The following PCNT variants were observed in gnomAD, a reference collection of about 807,000 sequenced individuals.
PCNT encodes the protein pericentrin, also known as kendrin.
In PCNT, 319 loss-of-function variants were observed where a neutral mutation model predicts 380.4. The ratio of observed to expected loss-of-function variants is 0.84; its 90% CI spans 0.77 to 0.92. PCNT has a LOEUF of 0.92. Ranked by LOEUF, PCNT falls within the 40% of genes least tolerant of loss-of-function variation. The pLI is 0.00. For synonymous variants in PCNT, 1,845 were observed against 1,735.2 expected (o/e 1.06, Z -1.57); for missense variants, 4,400 against 4,255.3 (o/e 1.03, Z -0.95).
chr21:46,355,446 C>G lies in PCNT; in HGVS notation c.1762-6C>G, dbSNP rs756097563. Reference sequence around the variant, plus strand: ...AACGTGCTTGTCCCACGTGGTTTCTCTGTAGGAGAGCCTGCCACGCTTCCA... The same window carrying G: ...AACGTGCTTGTCCCACGTGGTTTCTGTGTAGGAGAGCCTGCCACGCTTCCA... On this transcript the variant is annotated splice_polypyrimidine_tract_variant and splice_region_variant and intron_variant, in intron 11 of 46. Transcript: ENST00000359568. The G allele has an allele frequency of 5.6e-6, 9 of 1,613,406 alleles. No individual in the cohort carries two copies. The East Asian group carries it at 1.1e-4, about 20-fold the overall frequency.
At chr21:46,377,700 T>A (rs2085373760) in intron 15 of PCNT, among the ~76,000 whole-genome samples, 1 of 151,906 alleles carries the variant, frequency 6.6e-6, no homozygotes, top group African/African-American at 2.4e-5. Flanking sequence ...ATAAAAAAAT[T>A]AGCCTGGCAT....
At chr21:46,429,088 G>A (rs1283904558) in intron 35 of PCNT, among the ~76,000 whole-genome samples, 4 of 152,192 alleles carry the variant, frequency 2.6e-5, no homozygotes, top group African/African-American at 7.2e-5. Flanking sequence ...GGGGTCAGGC[G>A]CCCTTGGTCA....
rs1346356390 is a variant in PCNT, at chr21:46,326,575, G to A, written c.253G>A (p.Ala85Thr). 4.3e-6 allele frequency: 7 copies of A among 1,613,890 alleles called. No homozygotes were observed. Among genetic ancestry groups the A allele is most frequent in the Admixed American group, 1.7e-5 (1 of 60,000 alleles). ...CDDTPDGAGG[A>T]FAAQPEDCDG... is the part of the protein sequence containing the mutation. Reference sequence around the variant, plus strand: ...CGACACCCCTGATGGGGCAGGAGGGGCCTTTGCAGCTCAGGTAGATTTGCT... The same window carrying A: ...CGACACCCCTGATGGGGCAGGAGGGACCTTTGCAGCTCAGGTAGATTTGCT... Residue 85 changes from alanine to threonine, a missense_variant, in exon 2 of 47, where the codon GCC becomes ACC. Coordinates refer to ENST00000359568, the MANE Select transcript of PCNT (RefSeq NM_006031.6).
Position 46,347,488 on chromosome 21 carries a change from G to A in PCNT, c.1008G>A (p.Met336Ile), listed in dbSNP as rs747443008. ...AELKEKLQSEMEKNAQIVKTL... is the reference protein window; with the variant it reads ...AELKEKLQSEIEKNAQIVKTL... ...TGAAGGAGAAGTTACAATCAGAAAT[G>A]GAGAAAAACGCCCAGATAGTAAAGG... Residue 336 changes from methionine to isoleucine, a missense_variant, in exon 6 of 47, where the codon ATG becomes ATA. Coordinates refer to ENST00000359568, the MANE Select transcript of PCNT (RefSeq NM_006031.6). The A allele has an allele frequency of 6.2e-7, 1 of 1,613,990 alleles. No homozygotes were observed. The highest frequency in any genetic ancestry group is 8.5e-7 in the Non-Finnish European group (1 of 1,179,962).
At chr21:46,432,976 T>C (rs546195386) in intron 38 of PCNT, among the ~76,000 whole-genome samples, 2 of 152,214 alleles carry the variant, frequency 1.3e-5, no homozygotes, top group Admixed American at 6.5e-5. Flanking sequence ...TTTCAAAATA[T>C]AAGTTTTATA....
chr21:46,352,372 C>T (rs1022798760), intron 9 of PCNT, among the ~76,000 whole-genome samples: 5 of 152,162 alleles, frequency 3.3e-5, no homozygotes, highest in Non-Finnish European at 7.3e-5. Flanking sequence ...GGGGGTCTGT[C>T]TGTCGCTGGA....
intron 13 of PCNT, among the ~76,000 whole-genome samples, chr21:46,359,086 G>T (rs2084590223): frequency 6.6e-6 from 1 of 152,142 alleles, no homozygotes; most frequent in South Asian, 2.1e-4. Context: ...GGGATTACAG[G>T]TGTGAGCCAC....
At chr21:46,381,627 C>T in intron 15 of PCNT, 67 bp from the exon 16 acceptor site, 1 of 1,475,542 alleles carries the variant, frequency 6.8e-7, no homozygotes, top group South Asian at 1.1e-5. Context: ...GTGCTGAATT[C>T]CGGCTAACAG....
At chr21:46,405,902 A>AT (rs2086607707) in intron 27 of PCNT, among the ~76,000 whole-genome samples, 1 of 152,066 alleles carries the variant, frequency 6.6e-6, no homozygotes. Flanking sequence ...TTCTTGTGGG[A>AT]TTTTTCTTAC....
At chr21:46,383,044 G>T (rs575525411) in intron 16 of PCNT, among the ~76,000 whole-genome samples, 1 of 141,236 alleles carries the variant, frequency 7.1e-6, no homozygotes, top group Non-Finnish European at 1.5e-5. Flanking sequence ...ACAGTGCTGC[G>T]CATTCAGCAG....
At chr21:46,378,105 C>G (rs2085390236) in intron 15 of PCNT, among the ~76,000 whole-genome samples, 1 of 152,136 alleles carries the variant, frequency 6.6e-6, no homozygotes, top group African/African-American at 2.4e-5. Context: ...TCCATTACTG[C>G]CTTTTTTCAC....
chr21:46,431,282 G>A (rs2087752024), intron 37 of PCNT: 1 of 1,373,364 alleles, frequency 7.3e-7, no homozygotes, highest in Non-Finnish European at 9.4e-7. Context: ...GAGAGGGACA[G>A]ACTGGGAACA....
intron 2 of PCNT, among the ~76,000 whole-genome samples, chr21:46,327,026 CAG>C (rs1569154112): frequency 2.0e-5 from 3 of 149,046 alleles, no homozygotes; most frequent in African/African-American, 4.9e-5. Context: ...AAAAAAAAAA[CAG>C]TGAGTAAATT....
intron 33 of PCNT, among the ~76,000 whole-genome samples, chr21:46,426,976 C>T (rs1407500163): frequency 6.6e-6 from 1 of 152,216 alleles, no homozygotes. Context: ...CTCCGCTCGC[C>T]CCTCCAGCAG....
intron 28 of PCNT, 49 bp from the exon 29 acceptor site, chr21:46,412,788 C>T: frequency 6.2e-7 from 1 of 1,600,954 alleles, no homozygotes. Context: ...GGGGCAGCCC[C>T]AGCAACAGCC....
chr21:46,427,858 G>C, intron 34 of PCNT, 63 bp downstream of exon 34: 1 of 1,550,302 alleles, frequency 6.5e-7, no homozygotes, highest in South Asian at 1.1e-5. Context: ...GGCAGAGAGG[G>C]TGACACAGAC....
chr21:46,333,945 G>T (rs1036906032), intron 2 of PCNT, among the ~76,000 whole-genome samples: 4 of 150,842 alleles, frequency 2.7e-5, no homozygotes, highest in Non-Finnish European at 5.9e-5. Flanking sequence ...GGTGGCTCAT[G>T]CCTGTAATCC....
intron 21 of PCNT, among the ~76,000 whole-genome samples, chr21:46,393,709 G>A: frequency 6.6e-6 from 1 of 152,246 alleles, no homozygotes; most frequent in East Asian, 1.9e-4. Flanking sequence ...TCAGGTGCCT[G>A]TGTCGTGCCC....
intron 42 of PCNT, 73 bp from the exon 43 acceptor site, chr21:46,440,782 G>C: frequency 6.7e-6 from 6 of 895,248 alleles, no homozygotes; most frequent in Non-Finnish European, 1.1e-5. Flanking sequence ...AAGAGCAATG[G>C]TGTTAATGTG....
Sources: gnomAD v4.1 joint callset for allele counts (sites outside exome capture counted in the v4.1 genomes callset) on GRCh38, gnomAD v4.1.1 for gene constraint, MANE v1.5 for transcripts, NCBI Gene and HGNC (gene_info 2026-07-23, HGNC 2026-07-21) for gene names.